The following CCNA1 variants were observed in gnomAD, a reference collection of about 807,000 sequenced individuals.
CCNA1 encodes cyclin-A1.
CCNA1 carries 23 observed loss-of-function variants against 54.1 expected under a neutral mutation model. That is an observed-to-expected ratio of 0.42 (90% CI 0.31 to 0.60). The LOEUF (loss-of-function observed/expected upper bound fraction) is 0.60. Among genes scored for constraint, CCNA1 ranks in the 20% least tolerant of loss-of-function variants. The pLI, the probability that CCNA1 is intolerant of heterozygous loss-of-function variation, is 0.14. For missense variants in CCNA1, 450 were observed against 556.7 expected (o/e 0.81, Z 1.93); for synonymous variants, 208 against 213.9 (o/e 0.97, Z 0.24).
chr13:36,432,853 C>A, intron 1 of CCNA1, 124 bp downstream of exon 1: 1 of 943,906 alleles, frequency 1.1e-6, no homozygotes, highest in Non-Finnish European at 1.7e-6. Context: ...TGATTCAGAG[C>A]AACTTTGATC....
intron 2 of CCNA1, among the ~76,000 whole-genome samples, chr13:36,433,541 CCTTCT>C (rs1279961515): frequency 1.4e-4 from 16 of 110,782 alleles, no homozygotes; most frequent in Admixed American, 1.0e-4. Context: ...CCTTTCCTTT[CCTTCT>C]TTTTTTTTTT....
intron 5 of CCNA1, 62 bp downstream of exon 5, chr13:36,438,929 TC>T (rs1452057393): frequency 1.6e-6 from 2 of 1,252,150 alleles, no homozygotes; most frequent in East Asian, 4.7e-5. Flanking sequence ...GGAATTTTTG[TC>T]CTCTATTTCT....
intron 2 of CCNA1, among the ~76,000 whole-genome samples, chr13:36,435,575 C>G: frequency 6.6e-6 from 1 of 152,200 alleles, no homozygotes; most frequent in East Asian, 1.9e-4. Context: ...TCATTGGCCA[C>G]TGTTTGATAT....
At chr13:36,439,952 T>C (rs1276604108) in intron 5 of CCNA1, 27 bp from the exon 6 acceptor site, 24 of 1,539,724 alleles carry the variant, frequency 1.6e-5, no homozygotes, top group Non-Finnish European at 2.2e-5. Context: ...TTCTAAGTTT[T>C]ACTTCTGAAA....
intron 6 of CCNA1, 28 bp from the exon 7 acceptor site, chr13:36,441,090 C>T: frequency 8.3e-7 from 1 of 1,208,082 alleles, no homozygotes. Flanking sequence ...ATTTCTAATT[C>T]CAATGTGTTT....
In CCNA1 at chr13:36,432,521, ACGACGGGAAGAGC is replaced by A; in HGVS notation, c.-100_-88del. On this transcript the variant is annotated 5_prime_UTR_variant, in exon 1 of 9. Coordinates refer to ENST00000255465, the MANE Select transcript of CCNA1 (RefSeq NM_003914.4). ...GTTGTTCCGGACACATAGAAAGATA[ACGACGGGAAGAGC>A]GGGGCCCGCTTTGGGGTCCAGGCAG... 1 of 671,558 alleles carries A rather than the reference ACGACGGGAAGAGC, an allele frequency of 1.5e-6. No homozygotes were observed. Among genetic ancestry groups the A allele is most frequent in the East Asian group, 2.7e-5 (1 of 36,464 alleles). 41.6% of individuals were successfully genotyped at this position (671,558 alleles called of 1,614,324 possible). A position where few individuals can be genotyped will look rare whatever the true frequency, so the allele number is the denominator to read the frequency against.
chr13:36,442,393 T>G, intron 8 of CCNA1, 89 bp downstream of exon 8: 4 of 1,421,352 alleles, frequency 2.8e-6, no homozygotes, highest in Non-Finnish European at 3.9e-6. Flanking sequence ...TAGATTAAAT[T>G]GTGTATCTGG....
At position 36,442,157 on chromosome 13, in the gene CCNA1, T is replaced by G. The variant is rs367930455; in HGVS notation, c.1213-14T>G. 6.2e-7 allele frequency: 1 copy of G among 1,601,622 alleles called. No homozygotes were observed. On this transcript the variant is annotated splice_polypyrimidine_tract_variant and intron_variant, in intron 7 of 8. Coordinates refer to ENST00000255465, the MANE Select transcript of CCNA1 (RefSeq NM_003914.4). ...AAGTTATGTGAAGCAATTTTTTTCTTTTGTCTTGATTAGCCAGAAACCCTT... is the reference window on the plus strand; with the variant it reads ...AAGTTATGTGAAGCAATTTTTTTCTGTTGTCTTGATTAGCCAGAAACCCTT...
In CCNA1 at chr13:36,432,512, A is replaced by G. The variant is rs1474354728; in HGVS notation, c.-110A>G. The G allele has an allele frequency of 9.1e-6, 6 of 655,898 alleles. No individual in the cohort carries two copies. Among genetic ancestry groups the G allele is most frequent in the Non-Finnish European group, 1.6e-5 (6 of 375,856 alleles). 40.6% of individuals were successfully genotyped at this position (655,898 alleles called of 1,614,324 possible). ...CACTTGCCAGTTGTTCCGGACACAT[A>G]GAAAGATAACGACGGGAAGAGCGGG... On this transcript the variant is annotated 5_prime_UTR_variant, in exon 1 of 9. In the 5' UTR this introduces an upstream ATG that the reference lacks. Coordinates refer to ENST00000255465, the MANE Select transcript of CCNA1 (RefSeq NM_003914.4).
At chr13:36,441,025 A>T in intron 6 of CCNA1, 93 bp from the exon 7 acceptor site, 2 of 647,286 alleles carry the variant, frequency 3.1e-6, no homozygotes, top group South Asian at 2.1e-5. Context: ...CTGAACAAAG[A>T]TAAGATACCA....
chr13:36,432,126 A>G (rs1284883343), upstream of CCNA1: 1 of 153,242 alleles, frequency 6.5e-6, no homozygotes, highest in Non-Finnish European at 1.4e-5. Context: ...CAGGGGCCTG[A>G]ACGCCCAGGG....
At chr13:36,439,077 G>A (rs538992264) in intron 5 of CCNA1, among the ~76,000 whole-genome samples, 1 of 152,276 alleles carries the variant, frequency 6.6e-6, no homozygotes, top group Admixed American at 6.5e-5. Flanking sequence ...ATGATTTATA[G>A]CAACAAGTTC....
At chr13:36,439,847 T>C (rs1431340282) in intron 5 of CCNA1, 132 bp from the exon 6 acceptor site, 1 of 621,020 alleles carries the variant, frequency 1.6e-6, no homozygotes, top group African/African-American at 1.8e-5. Flanking sequence ...CTGAGTCATT[T>C]AGTGGTATTT....
At chr13:36,432,930 T>TAACA in intron 1 of CCNA1, 103 bp from the exon 2 acceptor site, 1 of 1,118,436 alleles carries the variant, frequency 8.9e-7, no homozygotes. Context: ...TTGGTGTTAG[T>TAACA]CCCATTGCTT....
rs143857816 is a variant in CCNA1 at position 36,433,518 on chromosome 13, T to C, written c.297+297T>C. On this transcript the variant is annotated intron_variant, in intron 2 of 8. Coordinates refer to ENST00000255465, the MANE Select transcript of CCNA1 (RefSeq NM_003914.4). ...TTGTTTCTCTTCCTTCTTCCTTTCC[T>C]TTTTTTTTCTTTCCTTTCCTTTCCT... Among the ~76,000 whole-genome samples, 594 of 142,336 alleles carry C rather than the reference T, an allele frequency of 4.2e-3. 20 individuals are homozygous for C. The highest frequency in any genetic ancestry group is 0.015 in the African/African-American group (570 of 37,760). 93.4% of individuals were successfully genotyped at this position (142,336 alleles called of 152,430 possible).
chr13:36,433,429 T>TC (rs2055753926), intron 2 of CCNA1, among the ~76,000 whole-genome samples: 2 of 120,684 alleles, frequency 1.7e-5, no homozygotes, highest in African/African-American at 5.7e-5. Context: ...TTTCTTTCTT[T>TC]CTTTCTTTCT....
rs772426240 is a variant in CCNA1 at position 36,442,706 on chromosome 13, C to T, written c.*41C>T. The T allele has an allele frequency of 2.0e-6, 3 of 1,528,436 alleles. No homozygotes were observed. In the South Asian group the frequency reaches 3.4e-5, roughly 17 times the overall value. 94.7% of individuals were successfully genotyped at this position (1,528,436 alleles called of 1,614,324 possible). A position where few individuals can be genotyped will look rare whatever the true frequency, so the allele number is the denominator to read the frequency against. Reference sequence around the variant, plus strand: ...CACTTCCAGAACTTCACCTCCATATCAGAAGTGCCAATAATCGTCATAGGC... The same window carrying T: ...CACTTCCAGAACTTCACCTCCATATTAGAAGTGCCAATAATCGTCATAGGC... On this transcript the variant is annotated 3_prime_UTR_variant, in exon 9 of 9. Transcript: ENST00000255465.
At chr13:36,441,070 C>T (rs763523941) in intron 6 of CCNA1, 48 bp from the exon 7 acceptor site, 28 of 1,004,526 alleles carry the variant, frequency 2.8e-5, no homozygotes, top group Non-Finnish European at 4.2e-5. Flanking sequence ...TTACTTGTGA[C>T]CTTAGTCACA....
Position 36,433,205 on chromosome 13 carries a change from G to A in CCNA1, c.281G>A (p.Arg94Lys), listed in dbSNP as rs1330313404. The stretch of plus-strand genomic sequence containing the variant: ...CTGCTAACTGCAAATGGGCAGTACA[G>A]GAGGACCTGTGGCCAGGTAATGACT... The change falls in exon 2 of 9, where the codon AGG becomes AAG. Residue 94 changes from arginine (R) to lysine (K), a missense_variant. Transcript: ENST00000255465. 1.2e-6 allele frequency: 2 copies of A among 1,612,704 alleles called. No homozygotes were observed. The highest frequency in any genetic ancestry group is 4.5e-5 in the East Asian group (2 of 44,836).
Sources: gnomAD v4.1 joint callset for allele counts (sites outside exome capture counted in the v4.1 genomes callset) on GRCh38, gnomAD v4.1.1 for gene constraint, MANE v1.5 for transcripts, NCBI Gene and HGNC (gene_info 2026-07-23, HGNC 2026-07-21) for gene names.